Variants in NELL2 observed in about 807,000 individuals in gnomAD.
NELL2 encodes the protein neural EGFL like 2.
In NELL2, 41 loss-of-function variants were observed where a neutral mutation model predicts 109.6. That is an observed-to-expected ratio of 0.37 (90% CI 0.29 to 0.49). The LOEUF (loss-of-function observed/expected upper bound fraction) is 0.49, where lower values mean the gene tolerates loss of function less well. Among genes scored for constraint, NELL2 ranks in the 20% least tolerant of loss-of-function variants. The pLI is 0.98. For missense variants in NELL2, 900 were observed against 1,008.3 expected (o/e 0.89, Z 1.45); for synonymous variants, 355 against 344.7 (o/e 1.03, Z -0.33).
intron 13 of NELL2, among the ~76,000 whole-genome samples, chr12:44,618,718 C>T (rs1331662372): frequency 1.3e-5 from 2 of 151,986 alleles, no homozygotes; most frequent in Non-Finnish European, 2.9e-5. Context: ...ACTGGTGATA[C>T]GAATAGATAA....
chr12:44,776,194 C>T (rs370764887), intron 7 of NELL2, 44 bp from the exon 8 acceptor site: 1 of 1,602,438 alleles, frequency 6.2e-7, no homozygotes, highest in African/African-American at 1.3e-5. Flanking sequence ...ATCCTTCCAG[C>T]AACACAGAAA....
chr12:44,530,190 T>C (rs1219936361), intron 16 of NELL2, among the ~76,000 whole-genome samples: 2 of 152,036 alleles, frequency 1.3e-5, no homozygotes, highest in South Asian at 2.1e-4. Context: ...TGAGCAGATA[T>C]ATAGAAATAA....
chr12:44,828,839 A>T (rs1165943541), intron 2 of NELL2, among the ~76,000 whole-genome samples: 1 of 152,156 alleles, frequency 6.6e-6, no homozygotes, highest in African/African-American at 2.4e-5. Flanking sequence ...TTTTCATTCC[A>T]TGCTAGCAAG....
intron 3 of NELL2, among the ~76,000 whole-genome samples, chr12:44,806,445 C>T (rs1361652853): frequency 6.6e-6 from 1 of 151,794 alleles, no homozygotes; most frequent in Non-Finnish European, 1.5e-5. Context: ...TAGAAAATTA[C>T]ACATACACAT....
At chr12:44,765,076 G>A (rs760655592) in intron 9 of NELL2, among the ~76,000 whole-genome samples, 8 of 152,004 alleles carry the variant, frequency 5.3e-5, no homozygotes, top group Non-Finnish European at 7.4e-5. Context: ...AAATTTAAGC[G>A]GCACTGAGCT....
rs1196835652 is a variant in NELL2, at chr12:44,552,522, C to A, written c.1664-19801G>T. Among the ~76,000 whole-genome samples, 7 of 152,018 alleles carry A rather than the reference C, an allele frequency of 4.6e-5. No individual in the cohort carries two copies. In the East Asian group the frequency reaches 1.3e-3, roughly 29 times the overall value. On this transcript the variant is annotated intron_variant, in intron 15 of 19. Coordinates refer to ENST00000429094, the MANE Select transcript of NELL2 (RefSeq NM_001145108.2). Reference sequence around the variant, plus strand: ...GAAAACTTCAATTACAGGTCTCTTGCAATGAAGATAATTATACTAAAATTT... The same window carrying A: ...GAAAACTTCAATTACAGGTCTCTTGAAATGAAGATAATTATACTAAAATTT...
intron 12 of NELL2, among the ~76,000 whole-genome samples, chr12:44,667,156 A>G (rs114429585): frequency 0.02 from 3,118 of 152,274 alleles, 102 homozygotes; most frequent in African/African-American, 0.071. Context: ...AACAAATCAC[A>G]TATTCCTCAA....
intron 5 of NELL2, 33 bp from the exon 6 acceptor site, chr12:44,777,347 T>C (rs2136591858): frequency 6.5e-7 from 1 of 1,543,546 alleles, no homozygotes; most frequent in Non-Finnish European, 9.0e-7. Context: ...AAAGACATAT[T>C]ACTTTCATTT....
intron 9 of NELL2, among the ~76,000 whole-genome samples, chr12:44,751,804 A>G (rs11182635): frequency 0.41 from 62,397 of 152,044 alleles, 13,458 homozygotes; most frequent in Non-Finnish European, 0.48. Context: ...CTATAAAATT[A>G]CAAAAATAAG....
At chr12:44,522,213 T>G (rs1253750823) in intron 17 of NELL2, 37 bp from the exon 18 acceptor site, 3 of 1,596,748 alleles carry the variant, frequency 1.9e-6, no homozygotes, top group Non-Finnish European at 2.6e-6. Flanking sequence ...ACCAAAAACC[T>G]CCATTTCTCA....
At chr12:44,885,000 T>C (rs1945454311) in intron 1 of NELL2, among the ~76,000 whole-genome samples, 1 of 151,892 alleles carries the variant, frequency 6.6e-6, no homozygotes, top group Admixed American at 6.6e-5. Context: ...GTAAAACAGC[T>C]GGGTGTGGTG....
intron 9 of NELL2, among the ~76,000 whole-genome samples, chr12:44,714,983 G>C (rs191948484): frequency 2.6e-5 from 4 of 151,898 alleles, no homozygotes; most frequent in Middle Eastern, 3.4e-3. Flanking sequence ...GTCTGAATTA[G>C]ACTCTGAAAA....
intron 15 of NELL2, among the ~76,000 whole-genome samples, chr12:44,572,564 C>T (rs1279203010): frequency 1.3e-5 from 2 of 152,174 alleles, no homozygotes; most frequent in African/African-American, 2.4e-5. Context: ...TTCATATTCA[C>T]TCATTTTAAC....
chr12:44,566,566 C>CACACACACACACAG (rs377368706), intron 15 of NELL2, among the ~76,000 whole-genome samples: 46 of 138,516 alleles, frequency 3.3e-4, no homozygotes, highest in African/African-American at 9.3e-4. Flanking sequence ...CACACACACA[C>CACACACACACACAG]AGAGTTTTAT....
At chr12:44,793,418 A>G (rs558210260) in intron 3 of NELL2, among the ~76,000 whole-genome samples, 3 of 152,334 alleles carry the variant, frequency 2.0e-5, no homozygotes, top group Admixed American at 1.3e-4. Flanking sequence ...CAGCAAACGC[A>G]TCATCCCATT....
chr12:44,862,550 T>A (rs2136810141), intron 2 of NELL2, among the ~76,000 whole-genome samples: 1 of 152,342 alleles, frequency 6.6e-6, no homozygotes, highest in African/African-American at 2.4e-5. Flanking sequence ...TAAAAACAGT[T>A]TTTATATTTT....
chr12:44,845,263 C>T (rs1331188991), intron 2 of NELL2, among the ~76,000 whole-genome samples: 2 of 152,086 alleles, frequency 1.3e-5, no homozygotes, highest in Admixed American at 6.5e-5. Flanking sequence ...AAAGATAGTG[C>T]CCATTAACTG....
In NELL2 at chr12:44,610,868, C is replaced by T. The variant is rs1385051198; in HGVS notation, c.1547G>A (p.Gly516Glu). 6.2e-7 allele frequency: 1 copy of T among 1,612,986 alleles called. No homozygotes were observed. Reference protein sequence around the residue: ...HNCVCKPGYTGNGTTCKAFCK... With the variant: ...HNCVCKPGYTENGTTCKAFCK... ...TTTACCTTTGCATGTCGTTCCATTC[C>T]CTGTATAGCCCGGCTTGCAAACACA... Residue 516 changes from glycine (G) to glutamate (E), a missense_variant, in exon 14 of 20, where the codon GGG becomes GAG. Physicochemically the swap from Gly to Glu is moderately conservative, Grantham distance 98. This residue lies in a region of NELL2 where 333 missense variants were observed against 432.3 expected (regional missense o/e 0.77). Coordinates refer to ENST00000429094, the MANE Select transcript of NELL2 (RefSeq NM_001145108.2).
intron 15 of NELL2, among the ~76,000 whole-genome samples, chr12:44,542,267 C>T (rs907381900): frequency 2.6e-5 from 4 of 151,006 alleles, no homozygotes; most frequent in South Asian, 2.1e-4. Flanking sequence ...TCTCCTTGTA[C>T]CTCAATGTCC....
Sources: gnomAD v4.1 joint callset for allele counts (sites outside exome capture counted in the v4.1 genomes callset) on GRCh38, gnomAD v4.1.1 for gene constraint, gnomAD v4.1.1 regional missense constraint, MANE v1.5 for transcripts, NCBI Gene and HGNC (gene_info 2026-07-23, HGNC 2026-07-21) for gene names.